The following IL1RAPL2 variants were observed in gnomAD, a reference collection of about 807,000 sequenced individuals.
IL1RAPL2 encodes X-linked interleukin-1 receptor accessory protein-like 2.
Under a neutral mutation model 44.1 loss-of-function variants are expected in IL1RAPL2, and 3 were observed. The ratio of observed to expected loss-of-function variants is 0.07; its 90% CI spans 0.03 to 0.18. The LOEUF (loss-of-function observed/expected upper bound fraction) is 0.18. Among genes scored for constraint, IL1RAPL2 ranks in the 10% least tolerant of loss-of-function variants. The pLI is 1.00. For synonymous variants in IL1RAPL2, 181 were observed against 178.8 expected (o/e 1.01, Z -0.10); for missense variants, 391 against 496.4 (o/e 0.79, Z 2.02).
chrX:105,300,345 C>G (rs1323562081), intron 5 of IL1RAPL2, among the ~76,000 whole-genome samples: 2 of 110,834 alleles, frequency 1.8e-5, no homozygotes. Context: ...GAGCAGGTGT[C>G]TTATATGACA....
chrX:105,143,501 T>C (rs1035898207), intron 2 of IL1RAPL2, among the ~76,000 whole-genome samples: 2 of 112,003 alleles, frequency 1.8e-5, no homozygotes, highest in African/African-American at 6.5e-5. Context: ...TTGGTGGGAC[T>C]GTAAACTAGT....
At chrX:105,084,969 A>G (rs377019041) in intron 2 of IL1RAPL2, among the ~76,000 whole-genome samples, 2 of 111,036 alleles carry the variant, frequency 1.8e-5, no homozygotes, top group Non-Finnish European at 3.8e-5. Context: ...TAAGTGTTTG[A>G]TATTTCCTCC....
At chrX:104,822,879 C>T (rs1468961874) in intron 2 of IL1RAPL2, among the ~76,000 whole-genome samples, 1 of 111,248 alleles carries the variant, frequency 9.0e-6, no homozygotes, top group Non-Finnish European at 1.9e-5. Flanking sequence ...TTGATTTTTC[C>T]TATCCATGAG....
intron 2 of IL1RAPL2, among the ~76,000 whole-genome samples, chrX:104,855,345 G>A (rs1324410008): frequency 1.8e-5 from 2 of 111,306 alleles, no homozygotes; most frequent in African/African-American, 6.5e-5. Flanking sequence ...AAATGAGCTA[G>A]GGATCAAGAA....
At chrX:105,013,258 T>G (rs1205690451) in intron 2 of IL1RAPL2, among the ~76,000 whole-genome samples, 1 of 110,901 alleles carries the variant, frequency 9.0e-6, no homozygotes, top group Non-Finnish European at 1.9e-5. Context: ...GAACTGTTAT[T>G]GGAAACCTTG....
chrX:104,908,821 A>T (rs150204028), intron 2 of IL1RAPL2, among the ~76,000 whole-genome samples: 45,357 of 107,444 alleles, frequency 0.42, 7,414 homozygotes, highest in East Asian at 0.45. Flanking sequence ...TGTGGCGTTC[A>T]CTGTATTTCC....
chrX:104,657,029 G>A (rs1307648341), intron 1 of IL1RAPL2, among the ~76,000 whole-genome samples: 2 of 110,322 alleles, frequency 1.8e-5, no homozygotes, highest in African/African-American at 6.6e-5. Flanking sequence ...CATTTGCTTG[G>A]TAGATCTTCC....
intron 2 of IL1RAPL2, among the ~76,000 whole-genome samples, chrX:104,769,805 CG>C (rs1242934049): frequency 2.7e-5 from 3 of 111,521 alleles, no homozygotes; most frequent in Non-Finnish European, 5.7e-5. Flanking sequence ...TTCCCAGATG[CG>C]GGGTTTTTCT....
At chrX:105,586,823 CAT>C (rs1021533645) in intron 6 of IL1RAPL2, among the ~76,000 whole-genome samples, 3 of 112,478 alleles carry the variant, frequency 2.7e-5, no homozygotes, top group Non-Finnish European at 5.6e-5. Flanking sequence ...TGCATGTGCA[CAT>C]GTCTTTGTGT....
chrX:104,898,650 C>T (rs1434939823), intron 2 of IL1RAPL2, among the ~76,000 whole-genome samples: 1 of 112,290 alleles, frequency 8.9e-6, no homozygotes, highest in Non-Finnish European at 1.9e-5. Flanking sequence ...TGTATAATGA[C>T]ACTGTAGAAA....
At chrX:105,676,146 A>C (rs769086667) in intron 6 of IL1RAPL2, 1 of 111,695 alleles carries the variant, frequency 9.0e-6, no homozygotes, top group African/African-American at 3.2e-5. Flanking sequence ...GTATTGTACC[A>C]ATTTTATTAT....
intron 6 of IL1RAPL2, among the ~76,000 whole-genome samples, chrX:105,525,399 T>C (rs2036589048): frequency 1.8e-5 from 2 of 111,364 alleles, no homozygotes. Flanking sequence ...TTTGAAAATA[T>C]ACAGAAAAAC....
chrX:105,555,076 G>GTTTTTT (rs762609819), intron 6 of IL1RAPL2, among the ~76,000 whole-genome samples: 2 of 83,039 alleles, frequency 2.4e-5, no homozygotes, highest in Non-Finnish European at 2.4e-5. Context: ...TCTGGTAGTT[G>GTTTTTT]TTTTTTTTTT....
chrX:105,282,760 T>C (rs1027235036), intron 5 of IL1RAPL2, among the ~76,000 whole-genome samples: 1 of 111,844 alleles, frequency 8.9e-6, no homozygotes, highest in African/African-American at 3.2e-5. Flanking sequence ...GTAATAATGA[T>C]GTTTTGAAGC....
At chrX:105,114,407 T>C (rs1247600695) in intron 2 of IL1RAPL2, among the ~76,000 whole-genome samples, 1 of 112,531 alleles carries the variant, frequency 8.9e-6, no homozygotes, top group East Asian at 2.8e-4. Flanking sequence ...AATAAGAATA[T>C]CTACTGTTTG....
chrX:104,610,189 A>G (rs1929118960), intron 1 of IL1RAPL2, among the ~76,000 whole-genome samples: 1 of 111,416 alleles, frequency 9.0e-6, no homozygotes, highest in Non-Finnish European at 1.9e-5. Flanking sequence ...TGAATGGGCA[A>G]AAACTGGAAG....
At chrX:104,582,596 T>TTCTTTC (rs1387907561) in intron 1 of IL1RAPL2, among the ~76,000 whole-genome samples, 1,148 of 52,151 alleles carry the variant, frequency 0.022, 58 homozygotes, top group African/African-American at 0.075. Context: ...CTTTCTTTCT[T>TTCTTTC]TTTCTTTCTT....
chrX:104,966,683 T>A (rs2030130428), intron 2 of IL1RAPL2, among the ~76,000 whole-genome samples: 1 of 111,869 alleles, frequency 8.9e-6, no homozygotes, highest in African/African-American at 3.2e-5. Context: ...AATGGATAAA[T>A]TTAAAAGACA....
intron 2 of IL1RAPL2, among the ~76,000 whole-genome samples, chrX:104,759,627 A>T (rs1932394492): frequency 9.0e-6 from 1 of 111,224 alleles, no homozygotes; most frequent in Admixed American, 9.6e-5. Flanking sequence ...TCACTAAGTC[A>T]AGCCAATAGC....
Sources: gnomAD v4.1 joint callset for allele counts (sites outside exome capture counted in the v4.1 genomes callset) on GRCh38, gnomAD v4.1.1 for gene constraint, MANE v1.5 for transcripts, NCBI Gene and HGNC (gene_info 2026-07-23, HGNC 2026-07-21) for gene names.